Variants in TGFBR3 observed in about 807,000 individuals in gnomAD.
The protein encoded by TGFBR3 is transforming growth factor beta receptor type 3.
In TGFBR3, 46 loss-of-function variants were observed where a neutral mutation model predicts 87.9. That is an observed-to-expected ratio of 0.52 (90% CI 0.41 to 0.67). The LOEUF (loss-of-function observed/expected upper bound fraction) is 0.67, where lower values mean the gene tolerates loss of function less well. Ranked by LOEUF, TGFBR3 falls within the 30% of genes least tolerant of loss-of-function variation. TGFBR3 has a pLI of 0.00. For synonymous variants in TGFBR3, 381 were observed against 391.6 expected (o/e 0.97, Z 0.32); for missense variants, 866 against 1,041.9 (o/e 0.83, Z 2.32).
At chr1:91,822,786 C>T (rs539899425) in intron 2 of TGFBR3, among the ~76,000 whole-genome samples, 8 of 151,876 alleles carry the variant, frequency 5.3e-5, no homozygotes, top group Non-Finnish European at 1.2e-4. Context: ...AATTGGCCAG[C>T]GTGGTGGCAC....
At chr1:91,761,711 A>G (rs72967116) in intron 3 of TGFBR3, among the ~76,000 whole-genome samples, 288 of 152,204 alleles carry the variant, frequency 1.9e-3, no homozygotes, top group African/African-American at 6.8e-3. Flanking sequence ...ACACACAGCA[A>G]TATCTCAAAG....
chr1:91,904,152 C>T (rs1679794169), intron 1 of TGFBR3, among the ~76,000 whole-genome samples: 2 of 152,188 alleles, frequency 1.3e-5, no homozygotes, highest in Admixed American at 1.3e-4. Flanking sequence ...CCACTGCACT[C>T]CAACCTGGGC....
At position 91,681,888 on chromosome 1, in the gene TGFBR3, A is replaced by T; in HGVS notation, c.*1851T>A. ...AGCGTAATCTAGGTCCTCCACTCTG[A>T]TACCCTTCTGTTAAAAAAAAATTAA... On this transcript the variant is annotated 3_prime_UTR_variant, in exon 17 of 17. Coordinates refer to ENST00000212355, the MANE Select transcript of TGFBR3 (RefSeq NM_003243.5). 2.2e-6 allele frequency: 1 copy of T among 451,306 alleles called. No homozygotes were observed. Among genetic ancestry groups the T allele is most frequent in the Non-Finnish European group, 4.4e-6 (1 of 226,136 alleles). The allele number at this position is 451,306 out of a possible 1,614,324, so 28.0% of individuals were successfully genotyped here.
chr1:91,865,202 C>CAAA (rs67134125), intron 1 of TGFBR3, among the ~76,000 whole-genome samples: 197 of 105,242 alleles, frequency 1.9e-3, no homozygotes, highest in African/African-American at 5.1e-3. Flanking sequence ...GACTCCATCT[C>CAAA]AAAAAAAAAA....
rs757019550 is a variant in TGFBR3 at position 91,729,958 on chromosome 1, G to C, written c.584C>G (p.Pro195Arg). 1.9e-6 allele frequency: 3 copies of C among 1,614,116 alleles called. No homozygotes were observed. The change falls in exon 6 of 17, where the codon CCA becomes CGA. Residue 195 changes from proline (P) to arginine (R), a missense_variant. By Grantham distance (103) the Pro-to-Arg change is moderately radical (BLOSUM62 -2). Transcript: ENST00000212355. ...IKVGEDQVFPPKCNIGKNFLS... is the reference protein window; with the variant it reads ...IKVGEDQVFPRKCNIGKNFLS... ...AAAATTCTTCCCTATGTTGCACTTTGGAGGGAACACTTGATCTGAAAGAGG... is the reference window on the plus strand; with the variant it reads ...AAAATTCTTCCCTATGTTGCACTTTCGAGGGAACACTTGATCTGAAAGAGG...
chr1:91,683,729 C>T lies in TGFBR3; in HGVS notation c.*10G>A. 1.9e-6 allele frequency: 3 copies of T among 1,548,102 alleles called. 1 individual carries two copies. The highest frequency in any genetic ancestry group is 2.6e-6 in the Non-Finnish European group (3 of 1,152,202). ...CTGGGCTGGGTTGGGCCGGGTTGGGCTGGGTTGGGCTAGGCCGTGCTGCTG... is the reference window on the plus strand; with the variant it reads ...CTGGGCTGGGTTGGGCCGGGTTGGGTTGGGTTGGGCTAGGCCGTGCTGCTG... On this transcript the variant is annotated 3_prime_UTR_variant, in exon 17 of 17. Transcript: ENST00000212355.
chr1:91,833,347 G>A (rs1676931805), intron 2 of TGFBR3, among the ~76,000 whole-genome samples: 1 of 135,188 alleles, frequency 7.4e-6, no homozygotes, highest in African/African-American at 2.8e-5. Context: ...TGTAATACCA[G>A]CTACTAGGGA....
chr1:91,705,994 G>A (rs1049404475), intron 14 of TGFBR3, among the ~76,000 whole-genome samples: 4 of 152,196 alleles, frequency 2.6e-5, no homozygotes, highest in African/African-American at 9.7e-5. Context: ...CTCAAAAGAA[G>A]AATGGATGAA....
At chr1:91,899,367 A>T (rs545200901) in intron 2 of TGFBR3, among the ~76,000 whole-genome samples, 1 of 152,248 alleles carries the variant, frequency 6.6e-6, no homozygotes, top group East Asian at 1.9e-4. Flanking sequence ...TTAGCCACGT[A>T]TGGTGGCGTG....
intron 4 of TGFBR3, among the ~76,000 whole-genome samples, chr1:91,754,200 C>G (rs1673656833): frequency 6.8e-6 from 1 of 147,796 alleles, no homozygotes; most frequent in South Asian, 2.1e-4. Context: ...AAGACAACTT[C>G]ATACTGTGGC....
chr1:91,764,730 G>C (rs1368364360), intron 3 of TGFBR3, among the ~76,000 whole-genome samples: 2 of 152,216 alleles, frequency 1.3e-5, no homozygotes, highest in Non-Finnish European at 2.9e-5. Context: ...AAGATAGGTT[G>C]TGTGAATGGG....
chr1:91,904,964 T>C (rs1404615364), intron 1 of TGFBR3, among the ~76,000 whole-genome samples: 1 of 151,982 alleles, frequency 6.6e-6, no homozygotes, highest in East Asian at 1.9e-4. Context: ...TCTCCCAAAA[T>C]GCTGGGATTA....
At position 91,803,175 on chromosome 1, in the gene TGFBR3, G is replaced by A. The variant is rs142371222; in HGVS notation, c.62-5704C>T. 8.8e-4 allele frequency among the ~76,000 whole-genome samples: 134 copies of A among 152,210 alleles called. 1 individual carries two copies. The East Asian group carries it at 0.013, about 15-fold the overall frequency. On this transcript the variant is annotated intron_variant, in intron 2 of 16. Coordinates refer to ENST00000212355, the MANE Select transcript of TGFBR3 (RefSeq NM_003243.5). ...TGGCCCTGCTTCCTGCCACGGCCCC[G>A]TCTCTCATTCCTCGGACACTTGCTC...
intron 14 of TGFBR3, among the ~76,000 whole-genome samples, chr1:91,701,174 C>T (rs1333124251): frequency 1.3e-5 from 2 of 152,006 alleles, no homozygotes; most frequent in African/African-American, 4.8e-5. Flanking sequence ...TACCCCCACC[C>T]CAAATAGGAG....
At chr1:91,840,903 AG>A (rs1243852265) in intron 2 of TGFBR3, among the ~76,000 whole-genome samples, 1 of 151,830 alleles carries the variant, frequency 6.6e-6, no homozygotes, top group Non-Finnish European at 1.5e-5. Flanking sequence ...CTCCACCTCC[AG>A]GGTTCAAGCA....
chr1:91,747,620 T>A (rs184800433), intron 4 of TGFBR3, among the ~76,000 whole-genome samples: 3 of 152,240 alleles, frequency 2.0e-5, no homozygotes, highest in Middle Eastern at 6.3e-3. Context: ...CAGTTTTATA[T>A]GTCAACGTAT....
At chr1:91,897,905 C>A (rs1052131378) in intron 2 of TGFBR3, among the ~76,000 whole-genome samples, 4 of 151,946 alleles carry the variant, frequency 2.6e-5, no homozygotes, top group Non-Finnish European at 5.9e-5. Flanking sequence ...TAAAATATTA[C>A]AGCCGGGCAT....
intron 5 of TGFBR3, among the ~76,000 whole-genome samples, chr1:91,733,464 G>A (rs755847120): frequency 8.5e-5 from 13 of 152,176 alleles, no homozygotes; most frequent in African/African-American, 2.2e-4. Context: ...CCTCTCCGAC[G>A]TCCACGTCCA....
At chr1:91,746,737 TTC>T (rs202175740) in intron 4 of TGFBR3, among the ~76,000 whole-genome samples, 6 of 147,264 alleles carry the variant, frequency 4.1e-5, no homozygotes, top group East Asian at 2.1e-4. Context: ...AGTTTTTTTT[TTC>T]ATCAAGGCTG....
Sources: allele counts gnomAD v4.1 joint callset (sites outside exome capture counted in the v4.1 genomes callset), GRCh38; gene constraint gnomAD v4.1.1; transcripts MANE v1.5; gene names NCBI Gene and HGNC (gene_info 2026-07-23, HGNC 2026-07-21).